DKK2: variants seen among roughly 807,000 people sequenced by gnomAD.
DKK2 encodes dickkopf-related protein 2.
In DKK2, 11 loss-of-function variants were observed where a neutral mutation model predicts 28.1. The observed-to-expected ratio is 0.39, with a 90% CI of 0.25 to 0.65. DKK2 has a LOEUF of 0.65. DKK2 is among the 30% of genes least tolerant of loss of function. DKK2 has a pLI of 0.47. For synonymous variants in DKK2, 135 were observed against 126.5 expected, an observed-to-expected ratio of 1.07 and a Z score of -0.45; for missense variants, 326 against 335.5, an observed-to-expected ratio of 0.97 and a Z score of 0.22.
chr4:106,948,061 T>C (rs957290305), intron 1 of DKK2, among the ~76,000 whole-genome samples: 1 of 152,198 alleles, frequency 6.6e-6, no homozygotes, highest in African/African-American at 2.4e-5. Context: ...TAAAACTCTG[T>C]ATCCATTCAG....
intron 1 of DKK2, among the ~76,000 whole-genome samples, chr4:107,012,218 T>A (rs1171240744): frequency 4.0e-5 from 6 of 151,360 alleles, no homozygotes; most frequent in Non-Finnish European, 7.4e-5. Flanking sequence ...ATTAAACCTG[T>A]TTTATGACAG....
intron 1 of DKK2, among the ~76,000 whole-genome samples, chr4:106,943,660 C>G (rs1724734307): frequency 6.6e-6 from 1 of 151,982 alleles, no homozygotes. Flanking sequence ...TATGTTGAAC[C>G]ATCAGTCCAC....
rs758305143 is a variant in DKK2, at chr4:107,035,454, C to G, written c.138G>C (p.Thr46=). Residue 46 remains threonine, a synonymous_variant, in exon 1 of 4, where the codon ACG becomes ACC. Coordinates refer to ENST00000285311, the MANE Select transcript of DKK2 (RefSeq NM_014421.3). ...CAGATCGATTGGCGGCCTGACCAGG[C>G]GTCTCCCCGCCCAGAGAGGACTTGA... ...NSIKSSLGGE[T]PGQAANRSAG... 3.7e-6 allele frequency: 6 copies of G among 1,614,094 alleles called. No individual in the cohort carries two copies. In the South Asian group the frequency reaches 4.4e-5, roughly 12 times the overall value.
At chr4:106,962,775 A>G (rs1393502114) in intron 1 of DKK2, among the ~76,000 whole-genome samples, 1 of 152,042 alleles carries the variant, frequency 6.6e-6, no homozygotes, top group Non-Finnish European at 1.5e-5. Context: ...TCAAACTAAA[A>G]AGCTTCTGCA....
intron 1 of DKK2, among the ~76,000 whole-genome samples, chr4:106,953,282 T>G (rs998011633): frequency 1.6e-4 from 24 of 152,186 alleles, no homozygotes; most frequent in African/African-American, 4.8e-4. Flanking sequence ...TATCACTATG[T>G]GTTCACTACT....
intron 3 of DKK2, 24 bp downstream of exon 3, chr4:106,924,521 C>T: frequency 1.3e-6 from 2 of 1,599,106 alleles, no homozygotes; most frequent in South Asian, 1.1e-5. Flanking sequence ...TTTAAAAAAA[C>T]CCCAGAACTA....
chr4:106,927,972 G>T (rs530997709), intron 1 of DKK2, among the ~76,000 whole-genome samples: 1 of 152,118 alleles, frequency 6.6e-6, no homozygotes, highest in South Asian at 2.1e-4. Flanking sequence ...GATAATCCTG[G>T]ATTCCATCCC....
rs115225135 is a variant in DKK2 at position 107,024,792 on chromosome 4, A to G, written c.222+10578T>C. 7.2e-3 allele frequency among the ~76,000 whole-genome samples: 1,104 copies of G among 152,314 alleles called. 15 individuals carry two copies. The highest frequency in any genetic ancestry group is 0.025 in the African/African-American group (1,039 of 41,562). Reference sequence around the variant, plus strand: ...TTATACAATTTATTTGAGGTCGTGCATATTTTTAAAAAATAGGCTAACAAG... The same window carrying G: ...TTATACAATTTATTTGAGGTCGTGCGTATTTTTAAAAAATAGGCTAACAAG... On this transcript the variant is annotated intron_variant, in intron 1 of 3. Transcript: ENST00000285311.
chr4:106,957,975 CAA>C (rs1722626387), intron 1 of DKK2, among the ~76,000 whole-genome samples: 2 of 147,548 alleles, frequency 1.4e-5, no homozygotes, highest in South Asian at 4.3e-4. Flanking sequence ...CATTTTTTTC[CAA>C]GAGTAATAAT....
chr4:107,030,006 G>A (rs1452349411), intron 1 of DKK2, among the ~76,000 whole-genome samples: 2 of 151,748 alleles, frequency 1.3e-5, no homozygotes, highest in African/African-American at 4.8e-5. Context: ...TATTATTCAG[G>A]TTCCCAAAAT....
intron 1 of DKK2, among the ~76,000 whole-genome samples, chr4:107,006,997 C>CTT (rs397973687): frequency 2.8e-5 from 4 of 144,754 alleles, no homozygotes; most frequent in Admixed American, 7.0e-5. Context: ...AAGAACAGTC[C>CTT]TTTTTTTTTT....
rs533693062 is a variant in DKK2, at chr4:107,005,267, G to A, written c.222+30103C>T. Among the ~76,000 whole-genome samples the A allele has an allele frequency of 1.3e-3, 194 of 150,852 alleles. 2 individuals are homozygous for A. The highest frequency in any genetic ancestry group is 4.6e-3 in the African/African-American group (190 of 41,032). On this transcript the variant is annotated intron_variant, in intron 1 of 3. Coordinates refer to ENST00000285311, the MANE Select transcript of DKK2 (RefSeq NM_014421.3). The stretch of plus-strand genomic sequence containing the variant: ...GAGGCAGGAGCAAGGCGTGAACCCG[G>A]GAGGCGGAGCTTGCAGTGAGCCAAG...
chr4:106,923,808 T>C lies in DKK2; in HGVS notation c.*146A>G, dbSNP rs1368243392. 1 of 1,146,576 alleles carries C rather than the reference T, an allele frequency of 8.7e-7. No individual in the cohort carries two copies. Among genetic ancestry groups the C allele is most frequent in the East Asian group, 2.5e-5 (1 of 40,448 alleles). The allele number at this position is 1,146,576 out of a possible 1,614,324, so 71.0% of individuals were successfully genotyped here. A position where few individuals can be genotyped will look rare whatever the true frequency, so the allele number is the denominator to read the frequency against. On this transcript the variant is annotated 3_prime_UTR_variant, in exon 4 of 4. Transcript: ENST00000285311. The stretch of plus-strand genomic sequence containing the variant: ...TCTAATCTATTCAGTTCATGTTTTC[T>C]TTCTCCCTTTTTGTGATCATCTATA...
intron 1 of DKK2, among the ~76,000 whole-genome samples, chr4:107,004,610 C>G (rs1723409947): frequency 6.6e-6 from 1 of 152,186 alleles, no homozygotes; most frequent in Non-Finnish European, 1.5e-5. Flanking sequence ...GCCTAAAGGT[C>G]ACACATGTTA....
At chr4:107,018,427 T>A (rs1723642966) in intron 1 of DKK2, among the ~76,000 whole-genome samples, 2 of 152,024 alleles carry the variant, frequency 1.3e-5, no homozygotes, top group African/African-American at 4.8e-5. Context: ...GGTTGTAACA[T>A]CCCTAGCCTT....
intron 1 of DKK2, among the ~76,000 whole-genome samples, chr4:106,984,543 T>C (rs1194910300): frequency 6.6e-6 from 1 of 152,252 alleles, no homozygotes; most frequent in Non-Finnish European, 1.5e-5. Flanking sequence ...TGAATAATCT[T>C]ATATTGTATG....
At chr4:106,969,231 CT>C (rs1200250244) in intron 1 of DKK2, among the ~76,000 whole-genome samples, 1 of 151,714 alleles carries the variant, frequency 6.6e-6, no homozygotes, top group Non-Finnish European at 1.5e-5. Context: ...TGGGACCCCT[CT>C]TTCCTCTGCT....
intron 1 of DKK2, among the ~76,000 whole-genome samples, chr4:106,931,177 C>G (rs964493077): frequency 6.6e-6 from 1 of 152,092 alleles, no homozygotes; most frequent in Admixed American, 6.6e-5. Flanking sequence ...GTACTGGATG[C>G]ATCTTTGAGG....
At chr4:107,015,734 G>C (rs1302696310) in intron 1 of DKK2, among the ~76,000 whole-genome samples, 2 of 151,536 alleles carry the variant, frequency 1.3e-5, no homozygotes, top group African/African-American at 4.8e-5. Flanking sequence ...TCTCTAATCT[G>C]TTTTGTTGGT....
Sources: gnomAD v4.1 joint callset for allele counts (sites outside exome capture counted in the v4.1 genomes callset) on GRCh38, gnomAD v4.1.1 for gene constraint, MANE v1.5 for transcripts, NCBI Gene and HGNC (gene_info 2026-07-23, HGNC 2026-07-21) for gene names.